The following OXR1 variants were observed in gnomAD, a reference collection of about 807,000 sequenced individuals.
OXR1 encodes the protein oxidation resistance protein 1.
OXR1 carries 41 observed loss-of-function variants against 104.6 expected under a neutral mutation model. The observed-to-expected ratio is 0.39, with a 90% CI of 0.31 to 0.51. OXR1 has a LOEUF of 0.51. Ranked by LOEUF, OXR1 falls within the 20% of genes least tolerant of loss-of-function variation. The pLI is 0.77. For synonymous variants in OXR1, 348 were observed against 348.4 expected (o/e 1.00, Z 0.01); for missense variants, 955 against 1,031.9 (o/e 0.93, Z 1.02).
At chr8:106,574,076 C>G (rs1032767086) in intron 3 of OXR1, among the ~76,000 whole-genome samples, 1 of 152,144 alleles carries the variant, frequency 6.6e-6, no homozygotes, top group Non-Finnish European at 1.5e-5. Context: ...GAAATGGCTA[C>G]TAAATATAGT....
At chr8:106,289,243 C>T (rs554092039) in intron 1 of OXR1, among the ~76,000 whole-genome samples, 12 of 152,252 alleles carry the variant, frequency 7.9e-5, no homozygotes, top group South Asian at 6.2e-4. Flanking sequence ...TATCTCTCTT[C>T]GCTTCTATAC....
intron 2 of OXR1, among the ~76,000 whole-genome samples, chr8:106,373,951 G>A (rs1407559429): frequency 6.6e-6 from 1 of 152,202 alleles, no homozygotes; most frequent in East Asian, 1.9e-4. Flanking sequence ...TGATGTAATA[G>A]GAATTACTTA....
At chr8:106,382,921 C>T (rs561700444) in intron 2 of OXR1, among the ~76,000 whole-genome samples, 19 of 151,948 alleles carry the variant, frequency 1.3e-4, no homozygotes, top group Admixed American at 2.6e-4. Flanking sequence ...CAGCTAACAT[C>T]CAAAGTGTTG....
At chr8:106,392,628 A>G (rs552054703) in intron 2 of OXR1, among the ~76,000 whole-genome samples, 32 of 152,188 alleles carry the variant, frequency 2.1e-4, no homozygotes, top group Non-Finnish European at 4.3e-4. Context: ...CTTTATCAGC[A>G]TAAAAAATTG....
intron 16 of OXR1, among the ~76,000 whole-genome samples, chr8:106,748,198 CATG>C (rs977775918): frequency 2.6e-5 from 4 of 152,156 alleles, no homozygotes; most frequent in East Asian, 1.9e-4. Flanking sequence ...GTGTCTGAAA[CATG>C]ATAAATGCAC....
intron 1 of OXR1, among the ~76,000 whole-genome samples, chr8:106,308,545 G>T (rs916106047): frequency 9.2e-5 from 14 of 152,066 alleles, no homozygotes; most frequent in African/African-American, 3.4e-4. Context: ...CTAGGAGAAG[G>T]GCCCAAGAAT....
intron 1 of OXR1, among the ~76,000 whole-genome samples, chr8:106,282,540 C>A (rs1402750561): frequency 6.6e-6 from 1 of 152,078 alleles, no homozygotes; most frequent in Non-Finnish European, 1.5e-5. Context: ...AGAAGCCTTA[C>A]CAATAACATG....
intron 11 of OXR1, among the ~76,000 whole-genome samples, chr8:106,720,310 TTATCAG>T (rs1453461472): frequency 1.3e-5 from 2 of 152,154 alleles, no homozygotes; most frequent in Non-Finnish European, 2.9e-5. Flanking sequence ...TAGGACCTAG[TTATCAG>T]TGTTGTTTAA....
At chr8:106,274,397 C>T (rs980234850) in intron 1 of OXR1, among the ~76,000 whole-genome samples, 1 of 152,182 alleles carries the variant, frequency 6.6e-6, no homozygotes, top group African/African-American at 2.4e-5. Context: ...TGTATCTACC[C>T]CCTCTTCTGT....
In OXR1 at chr8:106,469,290, C is replaced by A. The variant is rs144026917; in HGVS notation, c.24-49653C>A. ...TTCAGCTCCACTTTACGTAATTTCC[C>A]AGTTTGAATGCATGAGAATGGTTAC... On this transcript the variant is annotated intron_variant, in intron 2 of 16. Coordinates refer to ENST00000517566, the MANE Select transcript of OXR1 (RefSeq NM_001198533.2). Among the ~76,000 whole-genome samples, 284 of 151,752 alleles carry A rather than the reference C, an allele frequency of 1.9e-3. 1 individual carries two copies. The highest frequency in any genetic ancestry group is 6.8e-3 in the Middle Eastern group (2 of 294).
intron 3 of OXR1, among the ~76,000 whole-genome samples, chr8:106,584,058 C>T (rs58179764): frequency 0.017 from 2,646 of 151,838 alleles, 82 homozygotes; most frequent in African/African-American, 0.057. Context: ...TTAGCATTCT[C>T]AAAAGGATAA....
chr8:106,470,150 C>T (rs979683438), intron 2 of OXR1, among the ~76,000 whole-genome samples: 4 of 151,600 alleles, frequency 2.6e-5, no homozygotes, highest in African/African-American at 9.7e-5. Context: ...CCTGTAGGCT[C>T]CCTGGACTTT....
Position 106,649,118 on chromosome 8 carries a change from T to C in OXR1, c.221-30092T>C, listed in dbSNP as rs978755614. Among the ~76,000 whole-genome samples the C allele has an allele frequency of 4.6e-5, 7 of 152,140 alleles. No homozygotes were observed. The East Asian group carries it at 9.6e-4, about 21-fold the overall frequency. On this transcript the variant is annotated intron_variant, in intron 3 of 16. Transcript: ENST00000517566. ...TACTTAGGAGGCTGAGGCAGGAGGA[T>C]GGATTGATCCCAGGAGGTCGAGGAT...
At chr8:106,742,474 G>A (rs1392264544) in intron 15 of OXR1, 157 bp downstream of exon 15, 1 of 529,914 alleles carries the variant, frequency 1.9e-6, no homozygotes, top group Non-Finnish European at 3.3e-6. Context: ...AACCCAAAAA[G>A]AGCCCAAATA....
chr8:106,512,196 A>G (rs10108020), intron 2 of OXR1, among the ~76,000 whole-genome samples: 17,889 of 152,254 alleles, frequency 0.12, 1,277 homozygotes, highest in East Asian at 0.28. Context: ...CAATTGCCCA[A>G]GGTCACACAG....
At chr8:106,719,966 C>T (rs951780643) in intron 11 of OXR1, among the ~76,000 whole-genome samples, 4 of 152,086 alleles carry the variant, frequency 2.6e-5, no homozygotes, top group Middle Eastern at 6.8e-3. Context: ...CCACCACGCC[C>T]GGCTAATTTT....
chr8:106,681,800 C>T (rs893773777), intron 4 of OXR1, among the ~76,000 whole-genome samples: 1 of 152,222 alleles, frequency 6.6e-6, no homozygotes, highest in African/African-American at 2.4e-5. Context: ...GCTGGAATTA[C>T]AGGCATGACC....
At chr8:106,640,368 A>G (rs1823525767) in intron 3 of OXR1, among the ~76,000 whole-genome samples, 1 of 151,214 alleles carries the variant, frequency 6.6e-6, no homozygotes, top group South Asian at 2.1e-4. Flanking sequence ...ATACACAAAT[A>G]TATGCATATG....
intron 1 of OXR1, among the ~76,000 whole-genome samples, chr8:106,274,184 CAGCATGGAGCGTATTGAGA>C (rs1220773925): frequency 6.6e-6 from 1 of 152,164 alleles, no homozygotes; most frequent in East Asian, 1.9e-4. Context: ...TTGAAATCGA[CAGCATGGAGCGTATTGAGA>C]AGCATCAAGC....
Sources: allele counts gnomAD v4.1 joint callset (sites outside exome capture counted in the v4.1 genomes callset), GRCh38; gene constraint gnomAD v4.1.1; transcripts MANE v1.5; gene names NCBI Gene and HGNC (gene_info 2026-07-23, HGNC 2026-07-21).